FAM53A: variants seen among roughly 807,000 people sequenced by gnomAD.
FAM53A encodes the protein protein FAM53A.
A neutral mutation model predicts 26.6 loss-of-function variants in FAM53A; 28 were observed. That is an observed-to-expected ratio of 1.05 (90% CI 0.78 to 1.45). The LOEUF (loss-of-function observed/expected upper bound fraction) is 1.45. Ranked by LOEUF, FAM53A falls within the 40% of genes most tolerant of loss-of-function variation. The pLI, the probability that FAM53A is intolerant of heterozygous loss-of-function variation, is 0.00. For synonymous variants in FAM53A, 290 were observed against 253.1 expected (o/e 1.15, Z -1.38); for missense variants, 650 against 575.8 (o/e 1.13, Z -1.32).
rs562336514 is a variant in FAM53A at position 1,644,494 on chromosome 4, G to A, written c.883-2887C>T. Reference sequence around the variant, plus strand: ...CGGAACTGAAGGGGCCACCCACGCTGTAGAGACGGTGGAAACCGAGGCCCA... The same window carrying A: ...CGGAACTGAAGGGGCCACCCACGCTATAGAGACGGTGGAAACCGAGGCCCA... On this transcript the variant is annotated intron_variant, in intron 4 of 4. Coordinates refer to ENST00000308132, the MANE Select transcript of FAM53A (RefSeq NM_001174070.3). 15 of 1,012,602 alleles carry A rather than the reference G, an allele frequency of 1.5e-5. No individual in the cohort carries two copies. The South Asian group carries it at 2.7e-4, about 18-fold the overall frequency. The allele number at this position is 1,012,602 out of a possible 1,614,324, so 62.7% of individuals were successfully genotyped here.
Position 1,640,019 on chromosome 4 carries a change from C to CT in FAM53A, c.*1273_*1274insA, listed in dbSNP as rs1315033133. ...GCCTGAGGCGCAGCCAGGCCCACTTCAGATGGTGGAAACGAAAATTAATCA... is the reference window on the plus strand; with the variant it reads ...GCCTGAGGCGCAGCCAGGCCCACTTCTAGATGGTGGAAACGAAAATTAATCA... On this transcript the variant is annotated 3_prime_UTR_variant, in exon 5 of 5. Coordinates refer to ENST00000308132, the MANE Select transcript of FAM53A (RefSeq NM_001174070.3). 2.6e-5 allele frequency: 4 copies of CT among 152,392 alleles called. No individual in the cohort carries two copies. Among genetic ancestry groups the CT allele is most frequent in the African/African-American group, 9.6e-5 (4 of 41,590 alleles). The allele number at this position is 152,392 out of a possible 1,614,324, so 9.4% of individuals were successfully genotyped here. A position where few individuals can be genotyped will look rare whatever the true frequency, so the allele number is the denominator to read the frequency against.
At chr4:1,622,945 C>T (rs1304899557) in intron 1 of FAM53A, among the ~76,000 whole-genome samples, 1 of 152,254 alleles carries the variant, frequency 6.6e-6, no homozygotes, top group Non-Finnish European at 1.5e-5. Context: ...TTGCCTGGGC[C>T]TCCCGCGTGT....
At chr4:1,666,848 G>A (rs1474959389) in intron 2 of FAM53A, among the ~76,000 whole-genome samples, 1 of 152,194 alleles carries the variant, frequency 6.6e-6, no homozygotes, top group African/African-American at 2.4e-5. Flanking sequence ...ACAAAATTTA[G>A]GCTGGGTGTG....
intron 4 of FAM53A, among the ~76,000 whole-genome samples, chr4:1,642,302 C>G (rs1350699101): frequency 6.6e-6 from 1 of 152,196 alleles, no homozygotes; most frequent in Non-Finnish European, 1.5e-5. Flanking sequence ...GCAAGGCCCG[C>G]CCTCATCCCA....
At chr4:1,633,476 T>G (rs547350659) in intron 1 of FAM53A, among the ~76,000 whole-genome samples, 37 of 152,192 alleles carry the variant, frequency 2.4e-4, no homozygotes, top group African/African-American at 8.9e-4. Context: ...CTTTTATTAC[T>G]GAGCAAGAGA....
At chr4:1,610,446 G>T in the FAM53A span, among the ~76,000 whole-genome samples, 1,435 of 152,304 alleles carry the variant, frequency 9.4e-3, 14 homozygotes, top group African/African-American at 0.033. Context: ...CAGGGGCTAC[G>T]TGCCTCGAAG....
intron 1 of FAM53A, among the ~76,000 whole-genome samples, chr4:1,678,195 A>C (rs1715170575): frequency 6.6e-6 from 1 of 152,134 alleles, no homozygotes; most frequent in East Asian, 1.9e-4. Flanking sequence ...TCTCTACATA[A>C]AATTTTAAAA....
intron 1 of FAM53A, among the ~76,000 whole-genome samples, chr4:1,682,682 C>T (rs6852065): frequency 0.46 from 70,624 of 151,982 alleles, 19,404 homozygotes; most frequent in East Asian, 0.72. Context: ...AGAGCCTCTT[C>T]CTATTTCTGT....
chr4:1,643,713 C>A (rs910431703), intron 4 of FAM53A, among the ~76,000 whole-genome samples: 1 of 151,588 alleles, frequency 6.6e-6, no homozygotes, highest in Admixed American at 6.6e-5. Context: ...ACAACAGGTA[C>A]ATACCATCAT....
intron 1 of FAM53A, among the ~76,000 whole-genome samples, chr4:1,677,837 C>G (rs1715147169): frequency 6.6e-6 from 1 of 152,152 alleles, no homozygotes; most frequent in African/African-American, 2.4e-5. Context: ...CCCAGCTACT[C>G]AGGAGGCCGA....
At chr4:1,628,877 A>G (rs895951676) in intron 1 of FAM53A, among the ~76,000 whole-genome samples, 1 of 151,084 alleles carries the variant, frequency 6.6e-6, no homozygotes, top group African/African-American at 2.4e-5. Flanking sequence ...AAGACTCCCC[A>G]GGCTTCGCCC....
the FAM53A span, among the ~76,000 whole-genome samples, chr4:1,607,980 CACGA>C: frequency 6.6e-6 from 1 of 151,416 alleles, no homozygotes; most frequent in Non-Finnish European, 1.5e-5. Flanking sequence ...GATGTGGTAG[CACGA>C]GCCTGTAATC....
chr4:1,636,451 A>G (rs988015370), downstream of FAM53A, among the ~76,000 whole-genome samples: 67 of 152,100 alleles, frequency 4.4e-4, no homozygotes, highest in African/African-American at 1.6e-3. Context: ...TTGCTTTGGG[A>G]AACAGCTAAC....
At chr4:1,614,015 A>G (rs1233874200), downstream of FAM53A, among the ~76,000 whole-genome samples, 3 of 152,204 alleles carry the variant, frequency 2.0e-5, no homozygotes, top group Admixed American at 6.5e-5. Flanking sequence ...GGCGATTCTC[A>G]GGAGGAGGGT....
chr4:1,608,224 C>T, the FAM53A span, among the ~76,000 whole-genome samples: 3 of 152,116 alleles, frequency 2.0e-5, no homozygotes, highest in East Asian at 3.8e-4. Flanking sequence ...CAGCCCCTCC[C>T]GGCCTCTCCG....
chr4:1,596,318 G>A, the FAM53A span, among the ~76,000 whole-genome samples: 6 of 152,216 alleles, frequency 3.9e-5, no homozygotes, highest in Non-Finnish European at 8.8e-5. Flanking sequence ...GCCACGTATT[G>A]TTTTCAATTA....
At chr4:1,596,819 GAC>G in the FAM53A span, among the ~76,000 whole-genome samples, 1 of 151,768 alleles carries the variant, frequency 6.6e-6, no homozygotes, top group Admixed American at 6.5e-5. Context: ...GAGAGACAGA[GAC>G]AAGGGGAGAG....
intron 4 of FAM53A, among the ~76,000 whole-genome samples, chr4:1,651,618 G>C (rs1350695519): frequency 6.6e-6 from 1 of 152,096 alleles, no homozygotes; most frequent in Non-Finnish European, 1.5e-5. Context: ...CAAGGCCTGA[G>C]GCAGAATAAC....
chr4:1,587,877 A>G, the FAM53A span, among the ~76,000 whole-genome samples: 1 of 152,144 alleles, frequency 6.6e-6, no homozygotes, highest in African/African-American at 2.4e-5. Context: ...TAAATTTTAA[A>G]TGATTGTATT....
Sources: allele counts gnomAD v4.1 joint callset (sites outside exome capture counted in the v4.1 genomes callset), GRCh38; gene constraint gnomAD v4.1.1; transcripts MANE v1.5; gene names NCBI Gene and HGNC (gene_info 2026-07-23, HGNC 2026-07-21).